Variants in TENM2 observed in about 807,000 individuals in gnomAD.
The protein encoded by TENM2 is teneurin-2.
In TENM2, 52 loss-of-function variants were observed where a neutral mutation model predicts 245.2. The observed-to-expected ratio is 0.21, with a 90% confidence interval of 0.17 to 0.27. The LOEUF is 0.27. TENM2 is among the 10% of genes least tolerant of loss of function. The pLI is 1.00. For synonymous variants in TENM2, 1,363 were observed against 1,438.9 expected, an observed-to-expected ratio of 0.95 and a Z score of 1.19; for missense variants, 3,046 against 3,666.8, an observed-to-expected ratio of 0.83 and a Z score of 4.37.
intron 2 of TENM2, among the ~76,000 whole-genome samples, chr5:167,506,332 A>T (rs1769545436): frequency 6.6e-6 from 1 of 152,194 alleles, no homozygotes; most frequent in South Asian, 2.1e-4. Flanking sequence ...CTCTTTCTAT[A>T]TGCAAACACT....
At chr5:168,023,441 G>A (rs1448706626) in intron 5 of TENM2, among the ~76,000 whole-genome samples, 1 of 152,158 alleles carries the variant, frequency 6.6e-6, no homozygotes, top group East Asian at 1.9e-4. Context: ...GCCGACGGCT[G>A]CCTGCCAGCT....
the TENM2 span, among the ~76,000 whole-genome samples, chr5:167,201,912 A>G: frequency 6.6e-6 from 1 of 151,942 alleles, no homozygotes; most frequent in South Asian, 2.1e-4. Context: ...CTGCCTGGAG[A>G]CCCTGCTTTC....
At chr5:167,447,698 G>C (rs1436949558) in intron 2 of TENM2, among the ~76,000 whole-genome samples, 1 of 152,220 alleles carries the variant, frequency 6.6e-6, no homozygotes, top group African/African-American at 2.4e-5. Flanking sequence ...TGCTTCATTT[G>C]AAGGTGAATG....
At position 167,803,605 on chromosome 5, in the gene TENM2, G is replaced by T. The variant is rs146302670; in HGVS notation, c.503-72381G>T. On this transcript the variant is annotated intron_variant, in intron 2 of 28. Transcript: ENST00000518659. ...ACACAGATCTGATACTTCAGGGTTT[G>T]TGGGAGTAATATTACTATGCAGAAC... Among the ~76,000 whole-genome samples the T allele has an allele frequency of 2.6e-3, 400 of 152,156 alleles. 4 individuals carry two copies. Among genetic ancestry groups the T allele is most frequent in the South Asian group, 0.013 (63 of 4,820 alleles).
At chr5:168,099,233 T>C (rs1310902844) in intron 9 of TENM2, among the ~76,000 whole-genome samples, 1 of 152,088 alleles carries the variant, frequency 6.6e-6, no homozygotes, top group African/African-American at 2.4e-5. Flanking sequence ...ATACCAGTTA[T>C]TACCCATTAC....
intron 2 of TENM2, among the ~76,000 whole-genome samples, chr5:167,698,469 C>T (rs1431683961): frequency 7.2e-5 from 11 of 152,102 alleles, no homozygotes; most frequent in Admixed American, 7.2e-4. Flanking sequence ...CTAAAAACAG[C>T]CCCTTAATCC....
rs545420571 is a variant in TENM2 at position 167,815,567 on chromosome 5, C to T, written c.503-60419C>T. Reference sequence around the variant, plus strand: ...GTTACAATAAGAGGCCATGCTTTGGCTGTGAACACTTCTGGGGAATGGCTT... The same window carrying T: ...GTTACAATAAGAGGCCATGCTTTGGTTGTGAACACTTCTGGGGAATGGCTT... On this transcript the variant is annotated intron_variant, in intron 2 of 28. Transcript: ENST00000518659. Among the ~76,000 whole-genome samples, 5 of 152,294 alleles carry T rather than the reference C, an allele frequency of 3.3e-5. No homozygotes were observed. The East Asian group carries it at 5.8e-4, about 18-fold the overall frequency.
chr5:168,188,322 G>A (rs944122143), intron 13 of TENM2, among the ~76,000 whole-genome samples: 2 of 152,134 alleles, frequency 1.3e-5, no homozygotes, highest in East Asian at 3.9e-4. Flanking sequence ...TTCTAATTAT[G>A]GTCCAAAAAA....
chr5:168,006,740 A>T, intron 5 of TENM2, among the ~76,000 whole-genome samples: 1 of 152,206 alleles, frequency 6.6e-6, no homozygotes, highest in Non-Finnish European at 1.5e-5. Context: ...GGTCGTATTA[A>T]CCAGTAATAG....
At chr5:167,840,748 C>T (rs1296715280) in intron 2 of TENM2, among the ~76,000 whole-genome samples, 2 of 152,062 alleles carry the variant, frequency 1.3e-5, no homozygotes, top group Non-Finnish European at 2.9e-5. Context: ...CATTAAGGAC[C>T]ACCTCGAGAT....
At chr5:167,327,173 C>T (rs1185514014) in intron 1 of TENM2, among the ~76,000 whole-genome samples, 5 of 152,092 alleles carry the variant, frequency 3.3e-5, no homozygotes, top group Non-Finnish European at 7.3e-5. Context: ...TATCCCTCCC[C>T]GCTCCCCGCA....
intron 2 of TENM2, among the ~76,000 whole-genome samples, chr5:167,607,441 C>T (rs1173120415): frequency 1.3e-5 from 2 of 152,176 alleles, no homozygotes; most frequent in Admixed American, 1.3e-4. Context: ...GAGCATTTCA[C>T]AGGCTAACAC....
At chr5:168,238,299 G>GAAAAGAAAAGAAAAGAAAAGAA (rs1554230444) in intron 25 of TENM2, among the ~76,000 whole-genome samples, 1 of 143,144 alleles carries the variant, frequency 7.0e-6, no homozygotes, top group East Asian at 2.0e-4. Context: ...GAAAAGAAAA[G>GAAAAGAAAAGAAAAGAAAAGAA]AAAAAATCCC....
chr5:167,445,430 G>T (rs1765152524), intron 2 of TENM2, among the ~76,000 whole-genome samples: 1 of 150,512 alleles, frequency 6.6e-6, no homozygotes, highest in South Asian at 2.1e-4. Context: ...CTCTTGTCCT[G>T]CCCTTGATGT....
At chr5:168,038,225 C>T (rs1353931600) in intron 5 of TENM2, among the ~76,000 whole-genome samples, 2 of 152,176 alleles carry the variant, frequency 1.3e-5, no homozygotes, top group Non-Finnish European at 2.9e-5. Context: ...TATCACAGAG[C>T]CTGGCACATG....
At chr5:167,989,268 A>AAG (rs10617322) in intron 4 of TENM2, among the ~76,000 whole-genome samples, 1,746 of 144,958 alleles carry the variant, frequency 0.012, 9 homozygotes, top group African/African-American at 0.019. Flanking sequence ...AAGATAGAGA[A>AAG]AGAGAGAGAG....
chr5:167,459,920 ACACACACACACACACG>A (rs1766182397), intron 2 of TENM2, among the ~76,000 whole-genome samples: 2 of 151,640 alleles, frequency 1.3e-5, no homozygotes, highest in Admixed American at 1.3e-4. Context: ...AAACACACAC[ACACACACACACACACG>A]CACACACACA....
At chr5:168,174,630 G>A (rs532501474) in intron 13 of TENM2, among the ~76,000 whole-genome samples, 13 of 152,316 alleles carry the variant, frequency 8.5e-5, no homozygotes, top group South Asian at 2.1e-4. Context: ...CTGACTTAGC[G>A]TAATACGTGC....
At chr5:167,299,740 G>A (rs1014533564) in intron 1 of TENM2, among the ~76,000 whole-genome samples, 5 of 152,092 alleles carry the variant, frequency 3.3e-5, no homozygotes, top group African/African-American at 7.2e-5. Flanking sequence ...TGGGGTGAAC[G>A]TCAGGTGGAT....
Sources: allele counts gnomAD v4.1 joint callset (sites outside exome capture counted in the v4.1 genomes callset), GRCh38; gene constraint gnomAD v4.1.1; transcripts MANE v1.5; gene names NCBI Gene and HGNC (gene_info 2026-07-23, HGNC 2026-07-21).